GGA3: variants seen among roughly 807,000 people sequenced by gnomAD.
The protein encoded by GGA3 is golgi associated, gamma adaptin ear containing, ARF binding protein 3.
Under a neutral mutation model 77.5 loss-of-function variants are expected in GGA3, and 57 were observed. The observed-to-expected ratio is 0.74, with a 90% CI of 0.59 to 0.92. GGA3 has a LOEUF of 0.92. Among genes scored for constraint, GGA3 ranks in the 40% least tolerant of loss-of-function variants. GGA3 has a pLI of 0.00. For missense variants in GGA3, 970 were observed against 914.9 expected, an observed-to-expected ratio of 1.06 and a Z score of -0.78; for synonymous variants, 416 against 383.7, an observed-to-expected ratio of 1.08 and a Z score of -0.98.
At position 75,240,793 on chromosome 17, in the gene GGA3, CG is replaced by C. The variant is rs1567781363; in HGVS notation, c.1192+18del. On this transcript the variant is annotated intron_variant, in intron 11 of 16. Transcript: ENST00000537686. ...GAGCCCTGTCAGGGGATGCCCCTGACGCCCCCTGTGGGCCGCACCCAAGCAG... is the reference window on the plus strand; with the variant it reads ...GAGCCCTGTCAGGGGATGCCCCTGACCCCCCTGTGGGCCGCACCCAAGCAG... 1 of 1,594,856 alleles carries C rather than the reference CG, an allele frequency of 6.3e-7. No individual in the cohort carries two copies. Among genetic ancestry groups the C allele is most frequent in the South Asian group, 1.1e-5 (1 of 88,590 alleles).
chr17:75,253,515 G>C (rs2077040639), intron 1 of GGA3, among the ~76,000 whole-genome samples: 1 of 152,116 alleles, frequency 6.6e-6, no homozygotes, highest in Non-Finnish European at 1.5e-5. Context: ...CTTTTCTGGG[G>C]GAGGGGCAAG....
At position 75,243,564 on chromosome 17, in the gene GGA3, C is replaced by G. The variant is rs200060705; in HGVS notation, c.307G>C (p.Gly103Arg). ...LIKVVSPKYLGDRVSEKVKTK... is the reference protein window; with the variant it reads ...LIKVVSPKYLRDRVSEKVKTK... ...TTCACTTTCTCAGACACCCTGTCCC[C>G]CAGGTACTACATGGCAAAAGAAAAT... Residue 103 changes from glycine to arginine, a missense_variant, in exon 5 of 17, where the codon GGG (glycine) becomes CGG (arginine). By Grantham distance (125) the Gly-to-Arg change is moderately radical (BLOSUM62 -2). Coordinates refer to ENST00000537686, the MANE Select transcript of GGA3 (RefSeq NM_138619.4). 1 of 1,613,998 alleles carries G rather than the reference C, an allele frequency of 6.2e-7. No individual in the cohort carries two copies. The highest frequency in any genetic ancestry group is 8.5e-7 in the Non-Finnish European group (1 of 1,179,958).
chr17:75,238,894 C>T lies in GGA3; in HGVS notation c.1950+20G>A. ...CAGGGTCAAGATAAGGCCGTTTTGGCCCCAGGGAGACACTGGTACCTTGGG... is the reference window on the plus strand; with the variant it reads ...CAGGGTCAAGATAAGGCCGTTTTGGTCCCAGGGAGACACTGGTACCTTGGG... On this transcript the variant is annotated intron_variant, in intron 15 of 16. Transcript: ENST00000537686. 1 of 1,611,838 alleles carries T rather than the reference C, an allele frequency of 6.2e-7. No homozygotes were observed. Among genetic ancestry groups the T allele is most frequent in the South Asian group, 1.1e-5 (1 of 90,914 alleles).
Position 75,238,286 on chromosome 17 carries a change from T to C in GGA3, c.2165A>G (p.Asn722Ser). The C allele has an allele frequency of 1.9e-6, 3 of 1,612,256 alleles. No homozygotes were observed. Among genetic ancestry groups the C allele is most frequent in the Non-Finnish European group, 2.5e-6 (3 of 1,179,264 alleles). ...DQFPPVEQWG[N>S]L ...TCACAGCGTCCTCTGGGGTCATAGG[T>C]TCCCCCACTGTTCCACAGGAGGGAA... The change falls in exon 17 of 17, where the codon AAC becomes AGC. Residue 722 changes from asparagine (N) to serine (S), a missense_variant. Transcript: ENST00000537686.
intron 2 of GGA3, 62 bp downstream of exon 2, chr17:75,246,650 C>A: frequency 6.3e-7 from 1 of 1,593,644 alleles, no homozygotes; most frequent in Non-Finnish European, 8.6e-7. Flanking sequence ...CCCTCCTTGG[C>A]CATGGTTGTT....
At chr17:75,241,993 C>T (rs1024971644) in intron 8 of GGA3, 241 of 544,664 alleles carry the variant, frequency 4.4e-4, no homozygotes, top group Non-Finnish European at 6.9e-4. Flanking sequence ...CCATGGCCTG[C>T]ACCACATGGG....
At chr17:75,257,906 A>T (rs2145603274) in intron 1 of GGA3, among the ~76,000 whole-genome samples, 1 of 152,302 alleles carries the variant, frequency 6.6e-6, no homozygotes, top group South Asian at 2.1e-4. Context: ...ACTTGCACGT[A>T]CACATCCAGA....
rs1032053101 is a variant in GGA3, at chr17:75,240,722, C to G, written c.1192+90G>C. The G allele has an allele frequency of 4.2e-6, 6 of 1,419,636 alleles. No homozygotes were observed. The African/African-American group carries it at 5.7e-5, about 14-fold the overall frequency. The allele number at this position is 1,419,636 out of a possible 1,614,324, so 87.9% of individuals were successfully genotyped here. A position where few individuals can be genotyped will look rare whatever the true frequency, so the allele number is the denominator to read the frequency against. On this transcript the variant is annotated intron_variant, in intron 11 of 16. Transcript: ENST00000537686. ...TTCTTTGCCCACCCCAACAGTCACACTGGGGCCCCGCTCAGGGCTCCTAAT... is the reference window on the plus strand; with the variant it reads ...TTCTTTGCCCACCCCAACAGTCACAGTGGGGCCCCGCTCAGGGCTCCTAAT...
chr17:75,237,423 T>C lies in GGA3; in HGVS notation c.*856A>G. ...CAGTAGGATGTAGAGTGGCGGTAGA[T>C]TCCAAGGGGAGGATAGCAGTTTATT... On this transcript the variant is annotated 3_prime_UTR_variant, in exon 17 of 17. Coordinates refer to ENST00000537686, the MANE Select transcript of GGA3 (RefSeq NM_138619.4). The C allele has an allele frequency of 6.9e-7, 1 of 1,454,120 alleles. No individual in the cohort carries two copies. Among genetic ancestry groups the C allele is most frequent in the Non-Finnish European group, 9.3e-7 (1 of 1,072,028 alleles). 90.1% of individuals were successfully genotyped at this position (1,454,120 alleles called of 1,614,324 possible). A position where few individuals can be genotyped will look rare whatever the true frequency, so the allele number is the denominator to read the frequency against.
chr17:75,238,456 C>T (rs2076397924), intron 16 of GGA3, 67 bp from the exon 17 acceptor site: 2 of 1,347,294 alleles, frequency 1.5e-6, no homozygotes, highest in Non-Finnish European at 1.1e-6. Context: ...CTCTATTCTG[C>T]TACCCTCTCT....
Position 75,253,545 on chromosome 17 carries a change from C to A in GGA3, c.41-6749G>T, listed in dbSNP as rs377010097. 6.1e-4 allele frequency among the ~76,000 whole-genome samples: 93 copies of A among 152,266 alleles called. 3 individuals carry two copies. Among genetic ancestry groups the A allele is most frequent in the African/African-American group, 2.2e-3 (91 of 41,536 alleles). Reference sequence around the variant, plus strand: ...GGCAAGTACCACAACCCCTTCTCTCCGTGTCTCTACCCCTTCTCTGCATTT... The same window carrying A: ...GGCAAGTACCACAACCCCTTCTCTCAGTGTCTCTACCCCTTCTCTGCATTT... On this transcript the variant is annotated intron_variant, in intron 1 of 16. Transcript: ENST00000537686.
Position 75,237,338 on chromosome 17 carries a change from T to C in GGA3, c.*941A>G. 8 of 742,380 alleles carry C rather than the reference T, an allele frequency of 1.1e-5. No individual in the cohort carries two copies. In the South Asian group the frequency reaches 1.1e-4, roughly 10 times the overall value. 46.0% of individuals were successfully genotyped at this position (742,380 alleles called of 1,614,324 possible). A position where few individuals can be genotyped will look rare whatever the true frequency, so the allele number is the denominator to read the frequency against. On this transcript the variant is annotated 3_prime_UTR_variant, in exon 17 of 17. Coordinates refer to ENST00000537686, the MANE Select transcript of GGA3 (RefSeq NM_138619.4). ...TAACATTTGTGATCCTGAGGCCTCC[T>C]GTGTCCAGCCACAGGTGCCACACCA...
intron 1 of GGA3, 89 bp from the exon 2 acceptor site, chr17:75,246,885 A>C: frequency 9.9e-7 from 1 of 1,011,102 alleles, no homozygotes; most frequent in Non-Finnish European, 1.5e-6. Flanking sequence ...AAGCACTAAG[A>C]GTTTGCTTTC....
intron 1 of GGA3, among the ~76,000 whole-genome samples, chr17:75,248,506 GCCGGGTGC>G (rs2076838665): frequency 1.1e-5 from 1 of 91,180 alleles, no homozygotes; most frequent in East Asian, 3.7e-4. Context: ...CACCAGCTGG[GCCGGGTGC>G]AGTGGCTCAC....
upstream of GGA3, chr17:75,262,189 A>C (rs1237053080): frequency 8.7e-6 from 6 of 686,316 alleles, no homozygotes; most frequent in South Asian, 1.9e-5. Context: ...TAGGGTTCTA[A>C]CGCGGAGCTG....
At chr17:75,243,664 C>T (rs763743616) in intron 4 of GGA3, 94 bp from the exon 5 acceptor site, 131 of 1,256,494 alleles carry the variant, frequency 1.0e-4, no homozygotes, top group Non-Finnish European at 1.4e-4. Context: ...GGCTGCTCAG[C>T]AGCTATGGTC....
chr17:75,243,032 G>A (rs1411644253), intron 6 of GGA3, 31 bp downstream of exon 6: 3 of 1,558,590 alleles, frequency 1.9e-6, no homozygotes, highest in African/African-American at 1.4e-5. Flanking sequence ...ACTCTCGTAT[G>A]AGAAAATCCC....
intron 2 of GGA3, 41 bp from the exon 3 acceptor site, chr17:75,246,625 G>A: frequency 6.2e-7 from 1 of 1,600,320 alleles, no homozygotes; most frequent in Non-Finnish European, 8.6e-7. Context: ...ACTAAGCCTG[G>A]GGCTACCTGG....
intron 8 of GGA3, chr17:75,241,974 T>C (rs1294843197): frequency 5.4e-6 from 3 of 550,640 alleles, no homozygotes; most frequent in Admixed American, 6.2e-5. Flanking sequence ...ACTCAAAATA[T>C]CCACCCAACC....
Sources: allele counts gnomAD v4.1 joint callset (sites outside exome capture counted in the v4.1 genomes callset), GRCh38; gene constraint gnomAD v4.1.1; transcripts MANE v1.5; gene names NCBI Gene and HGNC (gene_info 2026-07-23, HGNC 2026-07-21).